The following KIF26B variants were observed in gnomAD, a reference collection of about 807,000 sequenced individuals.
KIF26B encodes the protein kinesin-like protein KIF26B.
KIF26B carries 63 observed loss-of-function variants against 151.2 expected under a neutral mutation model. The ratio of observed to expected loss-of-function variants is 0.42; its 90% CI spans 0.34 to 0.51. The LOEUF (loss-of-function observed/expected upper bound fraction) is 0.51. Among genes scored for constraint, KIF26B ranks in the 20% least tolerant of loss-of-function variants. KIF26B has a pLI of 0.07. For synonymous variants in KIF26B, 1,357 were observed against 1,262.1 expected, an observed-to-expected ratio of 1.08 and a Z score of -1.59; for missense variants, 2,813 against 2,913.6, an observed-to-expected ratio of 0.97 and a Z score of 0.79.
intron 2 of KIF26B, among the ~76,000 whole-genome samples, chr1:245,296,156 G>A (rs2102975502): frequency 6.8e-6 from 1 of 146,244 alleles, no homozygotes; most frequent in South Asian, 2.2e-4. Context: ...TTAGGGTTCA[G>A]CAACCTTTCA....
intron 4 of KIF26B, among the ~76,000 whole-genome samples, chr1:245,449,147 C>T (rs893153371): frequency 8.5e-5 from 13 of 152,178 alleles, no homozygotes; most frequent in Admixed American, 2.6e-4. Flanking sequence ...CAGTCTATCA[C>T]GATAATGGGA....
chr1:245,645,971 A>AT lies in KIF26B; in HGVS notation c.2099-145dup, dbSNP rs1369153729. 3.9e-6 allele frequency: 3 copies of AT among 763,994 alleles called. No individual in the cohort carries two copies. The East Asian group carries it at 8.1e-5, about 21-fold the overall frequency. The allele number at this position is 763,994 out of a possible 1,614,324, so 47.3% of individuals were successfully genotyped here. ...CAATGCTATTTGCAACCCCAGCGTG[A>AT]TTTTTCTGGGGTTTCCTAGTAGGTC... On this transcript the variant is annotated intron_variant, in intron 9 of 14. Coordinates refer to ENST00000407071, the MANE Select transcript of KIF26B (RefSeq NM_018012.4).
At chr1:245,517,906 T>C (rs12754094) in intron 4 of KIF26B, among the ~76,000 whole-genome samples, 1 of 146,358 alleles carries the variant, frequency 6.8e-6, no homozygotes, top group African/African-American at 2.6e-5. Context: ...TGAGTCTCAC[T>C]CTATCGCGCA....
intron 10 of KIF26B, among the ~76,000 whole-genome samples, chr1:245,670,282 G>GCA (rs138673530): frequency 0.02 from 1,880 of 93,382 alleles, 47 homozygotes; most frequent in African/African-American, 0.054. Flanking sequence ...ATATATATAT[G>GCA]CACACACACA....
chr1:245,290,046 A>G (rs1671230187), intron 2 of KIF26B, among the ~76,000 whole-genome samples: 1 of 151,964 alleles, frequency 6.6e-6, no homozygotes, highest in African/African-American at 2.4e-5. Flanking sequence ...CATCCACTTT[A>G]TTTTAGAATT....
At chr1:245,592,556 G>A (rs1373403012) in intron 5 of KIF26B, among the ~76,000 whole-genome samples, 2 of 152,234 alleles carry the variant, frequency 1.3e-5, no homozygotes, top group African/African-American at 4.8e-5. Flanking sequence ...TTGTAAAGAA[G>A]TTGTGGTGGT....
In KIF26B at chr1:245,495,875, T is replaced by G. The variant is rs71636569; in HGVS notation, c.1167-44892T>G. Among the ~76,000 whole-genome samples the G allele has an allele frequency of 0.033, 5,040 of 152,294 alleles. 132 individuals are homozygous for G. The highest frequency in any genetic ancestry group is 0.05 in the Non-Finnish European group (3,379 of 68,008). On this transcript the variant is annotated intron_variant, in intron 4 of 14. Coordinates refer to ENST00000407071, the MANE Select transcript of KIF26B (RefSeq NM_018012.4). This position sits in a 1 kb window ranked among gnomAD's most constrained non-coding sequence, Gnocchi z 4.2. ...AGCAACACTAAGACAGTAACTCATTTCTCAACAGAAACAATGGATGCCAAG... is the reference window on the plus strand; with the variant it reads ...AGCAACACTAAGACAGTAACTCATTGCTCAACAGAAACAATGGATGCCAAG...
At chr1:245,420,894 A>G (rs1434536411) in intron 4 of KIF26B, among the ~76,000 whole-genome samples, 2 of 152,216 alleles carry the variant, frequency 1.3e-5, no homozygotes, top group Non-Finnish European at 2.9e-5. Context: ...AGAGGAGGAC[A>G]GAGGGCTAAG....
intron 9 of KIF26B, among the ~76,000 whole-genome samples, chr1:245,624,079 T>C (rs1388084131): frequency 6.6e-6 from 1 of 152,146 alleles, no homozygotes; most frequent in East Asian, 1.9e-4. Flanking sequence ...GCTCACTCGC[T>C]CTCTCTCCTG....
intron 4 of KIF26B, among the ~76,000 whole-genome samples, chr1:245,458,937 A>C (rs1659594841): frequency 6.6e-6 from 1 of 152,192 alleles, no homozygotes; most frequent in Non-Finnish European, 1.5e-5. Context: ...TCCCCACGCT[A>C]TAATTTTGTT....
chr1:245,211,358 C>A (rs920530763), intron 2 of KIF26B, among the ~76,000 whole-genome samples: 7 of 152,202 alleles, frequency 4.6e-5, no homozygotes, highest in African/African-American at 1.7e-4. Context: ...GACTGTCTAG[C>A]TGTCTGCCCC....
rs1182669702 is a variant in KIF26B at position 245,318,683 on chromosome 1, A to G, written c.466-48151A>G. 1.3e-5 allele frequency among the ~76,000 whole-genome samples: 2 copies of G among 152,104 alleles called. No individual in the cohort carries two copies. Among genetic ancestry groups the G allele is most frequent in the Non-Finnish European group, 2.9e-5 (2 of 68,026 alleles). ...GCATATGCATCAGAGTTCCAGAGTG[A>G]AAGGTGGCTCTGAAAACTTTGCAAA... is the stretch of plus-strand genomic sequence containing the variant. On this transcript the variant is annotated intron_variant, in intron 2 of 14. Coordinates refer to ENST00000407071, the MANE Select transcript of KIF26B (RefSeq NM_018012.4). The surrounding 1 kb of genome is among the most constrained non-coding windows in gnomAD (Gnocchi z 4.0).
intron 12 of KIF26B, among the ~76,000 whole-genome samples, chr1:245,689,472 T>C (rs2044594066): frequency 1.3e-5 from 2 of 152,248 alleles, no homozygotes; most frequent in Admixed American, 6.5e-5. Context: ...CAGTCATGTT[T>C]GCACACCTGC....
chr1:245,165,031 A>G (rs1668592447), intron 2 of KIF26B, among the ~76,000 whole-genome samples: 1 of 151,954 alleles, frequency 6.6e-6, no homozygotes, highest in African/African-American at 2.4e-5. Flanking sequence ...AGATGATGCC[A>G]CTGCACTCCA....
chr1:245,628,415 A>G (rs1476221067), intron 9 of KIF26B, among the ~76,000 whole-genome samples: 1 of 152,256 alleles, frequency 6.6e-6, no homozygotes, highest in African/African-American at 2.4e-5. Context: ...TGGGAGGCAG[A>G]GATTGCAGTT....
chr1:245,374,207 C>CTGCGG (rs1424238067), intron 3 of KIF26B, among the ~76,000 whole-genome samples: 1 of 137,430 alleles, frequency 7.3e-6, no homozygotes, highest in African/African-American at 2.7e-5. Flanking sequence ...GACAGGACCT[C>CTGCGG]TGCGGTGCAT....
At chr1:245,662,582 T>TAA (rs1331058699) in intron 10 of KIF26B, among the ~76,000 whole-genome samples, 37 of 116,002 alleles carry the variant, frequency 3.2e-4, no homozygotes, top group African/African-American at 1.2e-3. Flanking sequence ...TATATATATA[T>TAA]ACACCCAATG....
chr1:245,320,933 C>T (rs1401192006), intron 2 of KIF26B, among the ~76,000 whole-genome samples: 1 of 152,214 alleles, frequency 6.6e-6, no homozygotes, highest in East Asian at 1.9e-4. Flanking sequence ...CCGCGTCGTC[C>T]TCCCAAAGTG....
At chr1:245,184,838 G>A (rs1328532000) in intron 2 of KIF26B, among the ~76,000 whole-genome samples, 2 of 152,202 alleles carry the variant, frequency 1.3e-5, no homozygotes, top group East Asian at 1.9e-4. Context: ...TGGCTGCCAG[G>A]TTGCTTCCTC....
Sources: allele counts gnomAD v4.1 joint callset (sites outside exome capture counted in the v4.1 genomes callset), GRCh38; gene constraint gnomAD v4.1.1; non-coding constraint Gnocchi (gnomAD v3.1); transcripts MANE v1.5; gene names NCBI Gene and HGNC (gene_info 2026-07-23, HGNC 2026-07-21).